GRB2: variants seen among roughly 807,000 people sequenced by gnomAD.
GRB2 encodes growth factor receptor bound protein 2.
A neutral mutation model predicts 27.4 loss-of-function variants in GRB2; 2 were observed. That is an observed-to-expected ratio of 0.07 (90% CI 0.03 to 0.23). The LOEUF (loss-of-function observed/expected upper bound fraction) is 0.23, where lower values mean the gene tolerates loss of function less well. GRB2 is among the 10% of genes least tolerant of loss of function. GRB2 has a pLI of 1.00. For missense variants in GRB2, 102 were observed against 282.4 expected (o/e 0.36, Z 4.58); for synonymous variants, 94 against 99.6 (o/e 0.94, Z 0.33).
At chr17:75,322,220 A>G (rs1264846490) in intron 4 of GRB2, among the ~76,000 whole-genome samples, 1 of 152,096 alleles carries the variant, frequency 6.6e-6, no homozygotes, top group Non-Finnish European at 1.5e-5. Context: ...TAAAAATACA[A>G]AAGTAGCTGG....
intron 2 of GRB2, among the ~76,000 whole-genome samples, chr17:75,342,332 G>C (rs2078626627): frequency 6.6e-6 from 1 of 152,066 alleles, no homozygotes; most frequent in African/African-American, 2.4e-5. Flanking sequence ...CATATTTTGG[G>C]GAACTGACTT....
At chr17:75,339,211 T>G (rs933776142) in intron 2 of GRB2, 26 of 858,568 alleles carry the variant, frequency 3.0e-5, no homozygotes, top group African/African-American at 2.2e-4. Flanking sequence ...TTTTTTTTTT[T>G]GAGACAGAGT....
intron 2 of GRB2, among the ~76,000 whole-genome samples, chr17:75,392,212 T>C (rs55844031): frequency 1.5e-3 from 234 of 152,336 alleles, no homozygotes; most frequent in Non-Finnish European, 2.5e-3. Flanking sequence ...TTCAAGAAAA[T>C]AGAAACCTAG....
At position 75,320,348 on chromosome 17, in the gene GRB2, AAAT is replaced by A; in HGVS notation, c.*17_*19del. The A allele has an allele frequency of 6.3e-7, 1 of 1,599,666 alleles. No homozygotes were observed. Among genetic ancestry groups the A allele is most frequent in the Non-Finnish European group, 8.6e-7 (1 of 1,167,424 alleles). On this transcript the variant is annotated 3_prime_UTR_variant, in exon 6 of 6. Coordinates refer to ENST00000316804, the MANE Select transcript of GRB2 (RefSeq NM_002086.5). The surrounding 1 kb of genome is among the most constrained non-coding windows in gnomAD (Gnocchi z 4.3). ...GTGTTTTACATTTTTCACTTTCTTT[AAAT>A]AATTGCTTCTTGACTCTTAGACGTT...
intron 2 of GRB2, among the ~76,000 whole-genome samples, chr17:75,376,535 AAG>A (rs1491081208): frequency 6.6e-6 from 1 of 151,006 alleles, no homozygotes; most frequent in African/African-American, 2.4e-5. Context: ...AAAAAAAAAA[AAG>A]ATTAGTGAAG....
intron 2 of GRB2, among the ~76,000 whole-genome samples, chr17:75,350,495 A>C (rs1240455271): frequency 6.6e-6 from 1 of 151,880 alleles, no homozygotes; most frequent in East Asian, 1.9e-4. Flanking sequence ...TTATTTATTT[A>C]TTTTTATTTT....
chr17:75,382,518 C>T (rs773833756), intron 2 of GRB2, among the ~76,000 whole-genome samples: 8 of 152,124 alleles, frequency 5.3e-5, no homozygotes, highest in Non-Finnish European at 1.0e-4. Context: ...CCTTTGAGTG[C>T]CATGCTGGCG....
At chr17:75,358,466 T>C (rs2078749072) in intron 2 of GRB2, among the ~76,000 whole-genome samples, 1 of 152,106 alleles carries the variant, frequency 6.6e-6, no homozygotes, top group Non-Finnish European at 1.5e-5. Context: ...TCATTCCCCA[T>C]TACCTTTGAG....
chr17:75,342,364 A>C (rs2078626874), intron 2 of GRB2, among the ~76,000 whole-genome samples: 1 of 152,078 alleles, frequency 6.6e-6, no homozygotes, highest in South Asian at 2.1e-4. Context: ...CTTTGTTCTA[A>C]GTGTTCTAAG....
chr17:75,360,295 T>C (rs1329175769), intron 2 of GRB2, among the ~76,000 whole-genome samples: 3 of 152,240 alleles, frequency 2.0e-5, no homozygotes, highest in Admixed American at 2.0e-4. Flanking sequence ...CTCCCATTAC[T>C]ATCTTAGAAA....
intron 2 of GRB2, among the ~76,000 whole-genome samples, chr17:75,335,821 T>TA (rs1452414849): frequency 4.6e-5 from 7 of 152,186 alleles, no homozygotes; most frequent in Non-Finnish European, 1.0e-4. Context: ...TTGTTTCTCG[T>TA]AAAAAAATCA....
intron 2 of GRB2, among the ~76,000 whole-genome samples, chr17:75,391,425 T>C (rs1567876140): frequency 6.6e-6 from 1 of 152,218 alleles, no homozygotes; most frequent in Non-Finnish European, 1.5e-5. Flanking sequence ...CAGAATTTAC[T>C]AATTTAAGTT....
Position 75,327,515 on chromosome 17 carries a change from C to T in GRB2, c.177-1495G>A, listed in dbSNP as rs372520107. 8.5e-5 allele frequency among the ~76,000 whole-genome samples: 13 copies of T among 152,078 alleles called. No individual in the cohort carries two copies. In the East Asian group the frequency reaches 1.4e-3, roughly 16 times the overall value. ...CTTCCCTAGTAGCTGGGATTACAGG[C>T]GGCCACCACCACGCCCAGCTAATTT... On this transcript the variant is annotated intron_variant, in intron 3 of 5. Transcript: ENST00000316804.
intron 2 of GRB2, among the ~76,000 whole-genome samples, chr17:75,335,567 T>C (rs1193022805): frequency 6.6e-6 from 1 of 151,716 alleles, no homozygotes; most frequent in Non-Finnish European, 1.5e-5. Flanking sequence ...TAACAGAGGG[T>C]ATGCCCTGCA....
At chr17:75,338,799 C>A in intron 2 of GRB2, 1 of 724,338 alleles carries the variant, frequency 1.4e-6, no homozygotes, top group African/African-American at 1.7e-5. Flanking sequence ...ATATACAAGT[C>A]CTTTCTGTGC....
At chr17:75,322,359 T>C (rs1598215218) in intron 4 of GRB2, among the ~76,000 whole-genome samples, 1 of 128,282 alleles carries the variant, frequency 7.8e-6, no homozygotes, top group African/African-American at 3.0e-5. Flanking sequence ...GTAACAAGAG[T>C]GAAACTCTGT....
intron 2 of GRB2, among the ~76,000 whole-genome samples, chr17:75,355,975 C>A (rs1031020242): frequency 6.6e-6 from 1 of 151,786 alleles, no homozygotes; most frequent in Admixed American, 6.6e-5. Flanking sequence ...GGACTACAGA[C>A]GCACGCTGCC....
chr17:75,348,393 A>C (rs1333816237), intron 2 of GRB2, among the ~76,000 whole-genome samples: 1 of 152,054 alleles, frequency 6.6e-6, no homozygotes, highest in Non-Finnish European at 1.5e-5. Flanking sequence ...AGGTATAAAA[A>C]CCTCAGATTT....
chr17:75,369,866 A>AAG (rs1036652788), intron 2 of GRB2, among the ~76,000 whole-genome samples: 4 of 151,508 alleles, frequency 2.6e-5, no homozygotes, highest in Admixed American at 2.6e-4. Flanking sequence ...AAAAAAAAAA[A>AAG]ACTGTTTTTG....
Sources: allele counts gnomAD v4.1 joint callset (sites outside exome capture counted in the v4.1 genomes callset), GRCh38; gene constraint gnomAD v4.1.1; non-coding constraint Gnocchi (gnomAD v3.1); transcripts MANE v1.5; gene names NCBI Gene and HGNC (gene_info 2026-07-23, HGNC 2026-07-21).